The following MICAL2 variants were observed in gnomAD, a reference collection of about 807,000 sequenced individuals.
MICAL2 encodes the protein microtubule associated monooxygenase, calponin and LIM domain containing 2, also known as [F-actin]-monooxygenase MICAL2.
In MICAL2, 77 loss-of-function variants were observed where a neutral mutation model predicts 127.3. The observed-to-expected ratio is 0.60, with a 90% CI of 0.50 to 0.73. MICAL2 has a LOEUF of 0.73. Among genes scored for constraint, MICAL2 ranks in the 30% least tolerant of loss-of-function variants. MICAL2 has a pLI of 0.00. For synonymous variants in MICAL2, 570 were observed against 551.1 expected, an observed-to-expected ratio of 1.03 and a Z score of -0.48; for missense variants, 1,351 against 1,434.4, an observed-to-expected ratio of 0.94 and a Z score of 0.94.
rs1357400116 is a variant in MICAL2 at position 12,249,204 on chromosome 11, G to A, written c.2805G>A (p.Gly935=). 4 of 1,613,576 alleles carry A rather than the reference G, an allele frequency of 2.5e-6. No homozygotes were observed. Among genetic ancestry groups the A allele is most frequent in the South Asian group, 1.1e-5 (1 of 91,046 alleles). The change falls in exon 22 of 28, where the codon GGG becomes GGA. Residue 935 remains glycine (G), a synonymous_variant. Coordinates refer to ENST00000683283, the MANE Select transcript of MICAL2 (RefSeq NM_001282663.2). ...PARKEKKSPS[G]FHFHPSHLRT... is the part of the protein sequence containing the mutation. Reference sequence around the variant, plus strand: ...TAAAGGAAAAGAAGTCACCTTCAGGGTTCCATTTTCATCCCAGCCATTTGA... The same window carrying A: ...TAAAGGAAAAGAAGTCACCTTCAGGATTCCATTTTCATCCCAGCCATTTGA...
At chr11:12,269,787 T>A (rs1278923625) in intron 24 of MICAL2, among the ~76,000 whole-genome samples, 2 of 152,240 alleles carry the variant, frequency 1.3e-5, no homozygotes, top group Non-Finnish European at 2.9e-5. Flanking sequence ...GCCCCTTGAA[T>A]GACGCCTGGC....
At chr11:12,306,041 T>C (rs1864105786) in intron 29 of MICAL2, among the ~76,000 whole-genome samples, 1 of 152,216 alleles carries the variant, frequency 6.6e-6, no homozygotes, top group Admixed American at 6.5e-5. Context: ...TTCTGAAGGT[T>C]TATTTCTAGA....
intron 32 of MICAL2, among the ~76,000 whole-genome samples, chr11:12,334,407 C>T (rs1204350718): frequency 6.6e-6 from 1 of 151,916 alleles, no homozygotes; most frequent in Non-Finnish European, 1.5e-5. Flanking sequence ...AGTACAGACA[C>T]AACCATCCTT....
chr11:12,195,129 T>A (rs1056762662), intron 3 of MICAL2, among the ~76,000 whole-genome samples: 1 of 152,096 alleles, frequency 6.6e-6, no homozygotes, highest in Admixed American at 6.6e-5. Context: ...TGGTGGTGTG[T>A]ATCTATAGTC....
chr11:12,306,497 T>A (rs895627949), intron 29 of MICAL2, among the ~76,000 whole-genome samples: 5 of 152,224 alleles, frequency 3.3e-5, no homozygotes, highest in African/African-American at 1.2e-4. Context: ...TTTACCCTTT[T>A]AAAATGTGCA....
chr11:12,342,344 G>T (rs1938880414), intron 32 of MICAL2, among the ~76,000 whole-genome samples: 1 of 152,226 alleles, frequency 6.6e-6, no homozygotes, highest in Non-Finnish European at 1.5e-5. Context: ...AGGTGCTTGT[G>T]TCTTCCCAAG....
At chr11:12,335,384 T>G (rs1938732662) in intron 32 of MICAL2, among the ~76,000 whole-genome samples, 1 of 151,730 alleles carries the variant, frequency 6.6e-6, no homozygotes, top group Non-Finnish European at 1.5e-5. Flanking sequence ...TTGCAAAAAT[T>G]TTCTCCCATT....
At chr11:12,196,344 G>T (rs552295815) in intron 3 of MICAL2, 2 of 152,300 alleles carry the variant, frequency 1.3e-5, no homozygotes, top group Non-Finnish European at 2.9e-5. Context: ...GATCTGTTAT[G>T]TGAGTAATGC....
chr11:12,259,977 A>C lies in MICAL2; in HGVS notation c.3334+80A>C, dbSNP rs780954014. On this transcript the variant is annotated intron_variant, in intron 26 of 27. Transcript: ENST00000683283. ...GGGACCTGTGTAACTGGATGCAGGG[A>C]CTCCTGCAAGCTGCTGGCCTCCATA... 5.1e-6 allele frequency: 8 copies of C among 1,569,122 alleles called. No individual in the cohort carries two copies. In the Admixed American group the frequency reaches 5.7e-5, roughly 11 times the overall value.
intron 4 of MICAL2, among the ~76,000 whole-genome samples, chr11:12,206,819 C>T (rs183344610): frequency 6.6e-6 from 1 of 152,246 alleles, no homozygotes; most frequent in East Asian, 1.9e-4. Context: ...ACAGCTTATG[C>T]CTCCTTTCCA....
intron 3 of MICAL2, among the ~76,000 whole-genome samples, chr11:12,170,879 G>T (rs185070441): frequency 6.6e-6 from 1 of 152,182 alleles, no homozygotes; most frequent in South Asian, 2.1e-4. Context: ...GTTCATCCCC[G>T]CGTCTCAAGT....
Position 12,242,365 on chromosome 11 carries a change from G to C in MICAL2, c.2489G>C (p.Arg830Pro), listed in dbSNP as rs368253911. Residue 830 changes from arginine to proline, a missense_variant, in exon 19 of 28, where the codon CGC becomes CCC. Arg to Pro is a moderately radical substitution (Grantham distance 103, BLOSUM62 -2). Around this residue, in one of 2 missense-constraint regions of MICAL2, gnomAD observed 752 missense variants for 719.4 expected, o/e 1.05. Transcript: ENST00000683283. ...AATTTCGCTACCCTGCCTTCTACCC[G>C]CCCGAGGGCGCAGGCTCTTTCCGGG... ...TENFATLPST[R>P]PRAQALSGVL... 2 of 1,614,000 alleles carry C rather than the reference G, an allele frequency of 1.2e-6. No individual in the cohort carries two copies. Among genetic ancestry groups the C allele is most frequent in the Non-Finnish European group, 1.7e-6 (2 of 1,179,930 alleles).
At chr11:12,174,947 G>A (rs554399376) in intron 3 of MICAL2, among the ~76,000 whole-genome samples, 1 of 151,748 alleles carries the variant, frequency 6.6e-6, no homozygotes, top group South Asian at 2.1e-4. Context: ...ATGGCAAAAT[G>A]CCATTTCTAC....
Position 12,220,418 on chromosome 11 carries a change from A to T in MICAL2, c.1166A>T (p.His389Leu). ...GCCCTGGTGCGGGAGCGGCAGGCGC[A>T]CCAGCTGCTCGTGGCCCTTGTGGGT... ...NAALVRERQAHQLLVALVGDS... is the reference protein window; with the variant it reads ...NAALVRERQALQLLVALVGDS... The change falls in exon 9 of 28, where the codon CAC (histidine) becomes CTC (leucine). Residue 389 changes from histidine to leucine, a missense_variant. By Grantham distance (99) the His-to-Leu change is moderately conservative. This residue lies in a region of MICAL2 where 599 missense variants were observed against 714.9 expected (regional missense o/e 0.84). Coordinates refer to ENST00000683283, the MANE Select transcript of MICAL2 (RefSeq NM_001282663.2). The T allele has an allele frequency of 6.2e-7, 1 of 1,612,638 alleles. No homozygotes were observed. Among genetic ancestry groups the T allele is most frequent in the Non-Finnish European group, 8.5e-7 (1 of 1,180,020 alleles).
chr11:12,253,913 C>T (rs1157408857), intron 22 of MICAL2: 1 of 152,224 alleles, frequency 6.6e-6, no homozygotes, highest in Non-Finnish European at 1.5e-5. Context: ...TGGTGATTAA[C>T]TCAACCTTCA....
At chr11:12,239,642 T>C (rs368682027) in intron 17 of MICAL2, 57 bp downstream of exon 17, 13 of 1,577,430 alleles carry the variant, frequency 8.2e-6, no homozygotes, top group African/African-American at 6.7e-5. Context: ...TCAGCAGGAA[T>C]GTTCTGGCTG....
chr11:12,141,372 G>T (rs1852334960), intron 2 of MICAL2, among the ~76,000 whole-genome samples: 1 of 152,152 alleles, frequency 6.6e-6, no homozygotes, highest in Non-Finnish European at 1.5e-5. Flanking sequence ...CTGTGGTCCT[G>T]GTCCTCAGTG....
chr11:12,337,290 G>A (rs1452590035), intron 32 of MICAL2, among the ~76,000 whole-genome samples: 6 of 152,148 alleles, frequency 3.9e-5, no homozygotes, highest in South Asian at 2.1e-4. Context: ...CTGTGGGATC[G>A]GTGGTGATAT....
intron 3 of MICAL2, among the ~76,000 whole-genome samples, chr11:12,166,642 A>G (rs1436371655): frequency 6.6e-6 from 1 of 152,212 alleles, no homozygotes; most frequent in Non-Finnish European, 1.5e-5. Flanking sequence ...AGAGTTAAAT[A>G]AGGTAACCTT....
Sources: allele counts gnomAD v4.1 joint callset (sites outside exome capture counted in the v4.1 genomes callset), GRCh38; gene constraint gnomAD v4.1.1; regional missense constraint gnomAD v4.1.1; transcripts MANE v1.5; gene names NCBI Gene and HGNC (gene_info 2026-07-23, HGNC 2026-07-21).